Variants in FTO observed in about 807,000 individuals in gnomAD.
FTO encodes the protein alpha-ketoglutarate-dependent dioxygenase FTO.
In FTO, 47 loss-of-function variants were observed where a neutral mutation model predicts 63.9. The observed-to-expected ratio is 0.74, with a 90% CI of 0.58 to 0.94. The LOEUF is 0.94. Among genes scored for constraint, FTO ranks in the 40% least tolerant of loss-of-function variants. The pLI is 0.00. For missense variants in FTO, 562 were observed against 618.1 expected, an observed-to-expected ratio of 0.91 and a Z score of 0.96; for synonymous variants, 207 against 224.4, an observed-to-expected ratio of 0.92 and a Z score of 0.69.
intron 3 of FTO, among the ~76,000 whole-genome samples, chr16:53,839,809 T>G (rs1567347139): frequency 1.6e-5 from 1 of 64,118 alleles, no homozygotes; most frequent in Non-Finnish European, 3.0e-5. Context: ...ATTTATTTAT[T>G]TATTTATTTA....
chr16:53,929,780 A>G (rs1362900958), intron 7 of FTO, among the ~76,000 whole-genome samples: 1 of 152,216 alleles, frequency 6.6e-6, no homozygotes, highest in Non-Finnish European at 1.5e-5. Context: ...GAGGACTTCT[A>G]GGTCCTCCAT....
At chr16:54,060,746 A>G (rs1192837009) in intron 8 of FTO, among the ~76,000 whole-genome samples, 2 of 152,196 alleles carry the variant, frequency 1.3e-5, no homozygotes, top group Admixed American at 6.5e-5. Flanking sequence ...GTGTAATGGC[A>G]ATTATCTATG....
intron 4 of FTO, among the ~76,000 whole-genome samples, chr16:53,855,598 A>G (rs1010146701): frequency 4.6e-5 from 7 of 152,030 alleles, no homozygotes; most frequent in African/African-American, 1.7e-4. Context: ...AAAAGGAAGT[A>G]TTAATTCTAT....
intron 8 of FTO, among the ~76,000 whole-genome samples, chr16:54,010,033 C>A (rs1412428164): frequency 3.3e-5 from 5 of 152,162 alleles, no homozygotes; most frequent in Non-Finnish European, 1.5e-5. Context: ...GACAGAGGAA[C>A]ATTGAGCTAA....
At chr16:53,812,546 T>G (rs2078561206) in intron 2 of FTO, among the ~76,000 whole-genome samples, 1 of 152,190 alleles carries the variant, frequency 6.6e-6, no homozygotes, top group Non-Finnish European at 1.5e-5. Flanking sequence ...AATTTTTGTG[T>G]GTGCTGGCTT....
intron 8 of FTO, among the ~76,000 whole-genome samples, chr16:53,954,028 C>T (rs936880127): frequency 3.3e-5 from 5 of 152,166 alleles, no homozygotes; most frequent in African/African-American, 9.7e-5. Flanking sequence ...AACTTAATGA[C>T]GAAGGCTAGG....
At chr16:53,783,186 A>C (rs2077630930) in intron 1 of FTO, among the ~76,000 whole-genome samples, 1 of 152,130 alleles carries the variant, frequency 6.6e-6, no homozygotes, top group South Asian at 2.1e-4. Flanking sequence ...TATTTTTTAA[A>C]AATTTAATTT....
At chr16:53,921,313 T>C (rs1567438813) in intron 7 of FTO, among the ~76,000 whole-genome samples, 1 of 152,212 alleles carries the variant, frequency 6.6e-6, no homozygotes, top group Non-Finnish European at 1.5e-5. Flanking sequence ...CTTCAGCCTT[T>C]GTGCTGCTGA....
intron 8 of FTO, among the ~76,000 whole-genome samples, chr16:53,946,047 CT>C (rs2082643546): frequency 6.6e-6 from 1 of 152,078 alleles, no homozygotes; most frequent in Non-Finnish European, 1.5e-5. Flanking sequence ...TTAACTCTGG[CT>C]TTCAGTTGAG....
At chr16:53,786,117 T>C (rs1429049928) in intron 1 of FTO, among the ~76,000 whole-genome samples, 1 of 152,074 alleles carries the variant, frequency 6.6e-6, no homozygotes, top group Admixed American at 6.6e-5. Flanking sequence ...TGTTGGAGTG[T>C]GTTAGGCGAG....
intron 1 of FTO, among the ~76,000 whole-genome samples, chr16:53,712,856 C>T (rs899359364): frequency 1.3e-5 from 2 of 152,044 alleles, no homozygotes; most frequent in Non-Finnish European, 2.9e-5. Context: ...GATTCTGGAT[C>T]CTTGGCTGCT....
intron 8 of FTO, among the ~76,000 whole-genome samples, chr16:54,049,547 C>A (rs1489700168): frequency 1.3e-5 from 2 of 152,146 alleles, no homozygotes; most frequent in Non-Finnish European, 2.9e-5. Flanking sequence ...GGGGAAATGG[C>A]CATGTTTACA....
At chr16:53,827,574 C>G (rs1836396927) in intron 3 of FTO, among the ~76,000 whole-genome samples, 1 of 152,114 alleles carries the variant, frequency 6.6e-6, no homozygotes, top group African/African-American at 2.4e-5. Flanking sequence ...AAAAAAAGAT[C>G]TTTAAAGTAC....
At chr16:54,005,742 G>A (rs1253190813) in intron 8 of FTO, among the ~76,000 whole-genome samples, 3 of 152,098 alleles carry the variant, frequency 2.0e-5, no homozygotes, top group Admixed American at 2.0e-4. Context: ...TGCCTTCAAA[G>A]AAGCCACAGT....
chr16:53,818,885 T>C (rs2078772359), intron 2 of FTO, among the ~76,000 whole-genome samples: 2 of 152,168 alleles, frequency 1.3e-5, no homozygotes, highest in Non-Finnish European at 2.9e-5. Flanking sequence ...TCAATAGCAG[T>C]ATGATGAATA....
chr16:54,062,608 T>A (rs1231644473), intron 8 of FTO, among the ~76,000 whole-genome samples: 1 of 152,144 alleles, frequency 6.6e-6, no homozygotes, highest in Non-Finnish European at 1.5e-5. Flanking sequence ...TAGCCAGCTC[T>A]ACCTGCAGGA....
chr16:54,021,167 T>C (rs2084589803), intron 8 of FTO, among the ~76,000 whole-genome samples: 1 of 152,166 alleles, frequency 6.6e-6, no homozygotes, highest in Non-Finnish European at 1.5e-5. Flanking sequence ...CTTCTTTTCT[T>C]TGTGCTTCTT....
rs536909232 is a variant in FTO at position 53,905,482 on chromosome 16, A to C, written c.1239+16531A>C. On this transcript the variant is annotated intron_variant, in intron 7 of 8. Transcript: ENST00000471389. ...TTTTTGCTTTGAATCTACTTCTTTT[A>C]TTCCTCCCGCCATCCTGCTAATTTG... Among the ~76,000 whole-genome samples, 342 of 152,068 alleles carry C rather than the reference A, an allele frequency of 2.2e-3. 1 individual carries two copies. The highest frequency in any genetic ancestry group is 3.9e-3 in the Non-Finnish European group (264 of 67,976).
chr16:53,715,484 T>G (rs1044435624), intron 1 of FTO, among the ~76,000 whole-genome samples: 3 of 152,252 alleles, frequency 2.0e-5, no homozygotes, highest in African/African-American at 4.8e-5. Flanking sequence ...GTTTGTCGAT[T>G]GAACCCATAG....
Sources: allele counts gnomAD v4.1 joint callset (sites outside exome capture counted in the v4.1 genomes callset), GRCh38; gene constraint gnomAD v4.1.1; transcripts MANE v1.5; gene names NCBI Gene and HGNC (gene_info 2026-07-23, HGNC 2026-07-21).